Variants in ATAD3A observed in about 807,000 individuals in gnomAD.
ATAD3A encodes the protein ATPase family AAA domain containing 3A, also known as ATPase family AAA domain-containing protein 3A.
Under a neutral mutation model 73.8 loss-of-function variants are expected in ATAD3A, and 46 were observed. The ratio of observed to expected loss-of-function variants is 0.62; its 90% CI spans 0.49 to 0.80. ATAD3A has a LOEUF of 0.80. Among genes scored for constraint, ATAD3A ranks in the 30% least tolerant of loss-of-function variants. The probability of loss-of-function intolerance (pLI) is 0.00; values close to 1 mark genes in which losing one functional copy is unlikely to be tolerated. For synonymous variants in ATAD3A, 319 were observed against 350.0 expected (o/e 0.91, Z 0.99); for missense variants, 705 against 838.0 (o/e 0.84, Z 1.96).
intron 1 of ATAD3A, among the ~76,000 whole-genome samples, chr1:1,514,087 G>A (rs1313931303): frequency 1.3e-5 from 2 of 152,146 alleles, no homozygotes; most frequent in East Asian, 1.9e-4. Flanking sequence ...GCGCTGGGAC[G>A]CACGTCCCTG....
chr1:1,529,134 G>A, intron 14 of ATAD3A, 89 bp from the exon 15 acceptor site: 2 of 1,552,218 alleles, frequency 1.3e-6, no homozygotes, highest in Admixed American at 1.9e-5. Context: ...TTTGGCGTGG[G>A]TGTCGGCCTC....
In ATAD3A at chr1:1,529,362, C is replaced by T. The variant is rs192261454; in HGVS notation, c.1614+31C>T. ...TCAGGCTCCGGCACGTCCACCCAGA[C>T]GGGACCCCAGCTGCTGTGGAGATGC... On this transcript the variant is annotated intron_variant, in intron 15 of 15. Transcript: ENST00000378756. 395 of 1,532,350 alleles carry T rather than the reference C, an allele frequency of 2.6e-4. 3 individuals are homozygous for T. In the East Asian group the frequency reaches 6.9e-3, roughly 27 times the overall value. 94.9% of individuals were successfully genotyped at this position (1,532,350 alleles called of 1,614,324 possible).
chr1:1,514,865 C>T (rs545547512), intron 1 of ATAD3A, among the ~76,000 whole-genome samples: 4 of 152,230 alleles, frequency 2.6e-5, no homozygotes, highest in African/African-American at 9.6e-5. Flanking sequence ...TCTGTGTTAG[C>T]AGATTTATAT....
At chr1:1,518,612 G>T (rs1641464060) in intron 4 of ATAD3A, among the ~76,000 whole-genome samples, 2 of 94,454 alleles carry the variant, frequency 2.1e-5, no homozygotes, top group Non-Finnish European at 3.7e-5. Context: ...CCCACACACG[G>T]GCGTACACAC....
chr1:1,518,016 G>GCA (rs925130177), intron 4 of ATAD3A, among the ~76,000 whole-genome samples: 4 of 151,634 alleles, frequency 2.6e-5, no homozygotes, highest in African/African-American at 9.7e-5. Flanking sequence ...CACACTCCTC[G>GCA]CACACACACT....
intron 12 of ATAD3A, among the ~76,000 whole-genome samples, chr1:1,525,813 C>T (rs984230305): frequency 3.9e-5 from 6 of 152,156 alleles, no homozygotes; most frequent in African/African-American, 1.4e-4. Context: ...TCAAGCAATC[C>T]TCCTGCCTCA....
chr1:1,520,723 C>A lies in ATAD3A; in HGVS notation c.750+106C>A. 6.4e-7 allele frequency: 1 copy of A among 1,551,772 alleles called. No homozygotes were observed. Among genetic ancestry groups the A allele is most frequent in the Non-Finnish European group, 8.8e-7 (1 of 1,134,718 alleles). ...CTGCCGGCTCTGCACAGCCCTGTAGCTCTCCCAGCAGGGAGGAAGCCCACG... is the reference window on the plus strand; with the variant it reads ...CTGCCGGCTCTGCACAGCCCTGTAGATCTCCCAGCAGGGAGGAAGCCCACG... On this transcript the variant is annotated intron_variant, in intron 7 of 15. Transcript: ENST00000378756. The surrounding 1 kb of genome is among the most constrained non-coding windows in gnomAD (Gnocchi z 4.0).
chr1:1,522,790 A>G lies in ATAD3A; in HGVS notation c.797A>G (p.Asn266Ser), dbSNP rs371398161. The change falls in exon 8 of 16, where the codon AAT (asparagine) becomes AGT (serine). Residue 266 changes from asparagine (N) to serine (S), a missense_variant. By Grantham distance (46) the Asn-to-Ser change is conservative. This residue lies in a region of ATAD3A where 315 missense variants were observed against 334.1 expected (regional missense o/e 0.94). Transcript: ENST00000378756. ...GCTGTTGGGGTCTACTCAGCCAAGAATGCCACGCTTGTCGCCGGCCGCTTC... is the reference window on the plus strand; with the variant it reads ...GCTGTTGGGGTCTACTCAGCCAAGAGTGCCACGCTTGTCGCCGGCCGCTTC... ...LLAVGVYSAK[N>S]ATLVAGRFIE... 1.0e-4 allele frequency: 165 copies of G among 1,611,408 alleles called. No homozygotes were observed. Among genetic ancestry groups the G allele is most frequent in the Non-Finnish European group, 1.3e-4 (154 of 1,179,784 alleles).
chr1:1,515,544 G>T (rs1196133429), intron 1 of ATAD3A, among the ~76,000 whole-genome samples: 1 of 152,166 alleles, frequency 6.6e-6, no homozygotes, highest in Non-Finnish European at 1.5e-5. Flanking sequence ...AACTGAGGAC[G>T]TTGTCAGATG....
At position 1,534,214 on chromosome 1, in the gene ATAD3A, G is replaced by C. The variant is rs1642144883; in HGVS notation, c.*142G>C. ...GCCTCTGTCCCCCAGGATGTCTTGT[G>C]GTGCGGGTCGGCCGTTCTGCCCCCC... On this transcript the variant is annotated 3_prime_UTR_variant, in exon 16 of 16. Transcript: ENST00000378756. 1 of 1,514,266 alleles carries C rather than the reference G, an allele frequency of 6.6e-7. No homozygotes were observed. The highest frequency in any genetic ancestry group is 1.4e-5 in the African/African-American group (1 of 70,538). The allele number at this position is 1,514,266 out of a possible 1,614,324, so 93.8% of individuals were successfully genotyped here. A position where few individuals can be genotyped will look rare whatever the true frequency, so the allele number is the denominator to read the frequency against.
Position 1,516,039 on chromosome 1 carries a change from C to G in ATAD3A, c.233C>G (p.Ala78Gly). The G allele has an allele frequency of 6.2e-7, 1 of 1,614,052 alleles. No individual in the cohort carries two copies. Among genetic ancestry groups the G allele is most frequent in the Non-Finnish European group, 8.5e-7 (1 of 1,179,948 alleles). ...SRYAKDALNL[A>G]QMQEQTLQLE... ...TATGCCAAGGACGCCCTGAATCTGG[C>G]ACAGATGCAGGAGCAGACGCTGCAG... Residue 78 changes from alanine (A) to glycine (G), a missense_variant, in exon 2 of 16, where the codon GCA becomes GGA. Physicochemically the swap from Ala to Gly is moderately conservative, Grantham distance 60. Around this residue, in one of 5 missense-constraint regions of ATAD3A, gnomAD observed 125 missense variants for 170.6 expected, o/e 0.73. Transcript: ENST00000378756.
Position 1,534,534 on chromosome 1 carries a change from C to T in ATAD3A, c.*462C>T, listed in dbSNP as rs972889631. On this transcript the variant is annotated 3_prime_UTR_variant, in exon 16 of 16. Transcript: ENST00000378756. Reference sequence around the variant, plus strand: ...GAACCCTGCTTCCCCCTGTGGCCGGCATGCCCCGATCTTTCACACACTGGT... The same window carrying T: ...GAACCCTGCTTCCCCCTGTGGCCGGTATGCCCCGATCTTTCACACACTGGT... 4.3e-5 allele frequency: 21 copies of T among 484,780 alleles called. No individual in the cohort carries two copies. The East Asian group carries it at 4.7e-4, about 11-fold the overall frequency. The allele number at this position is 484,780 out of a possible 1,614,324, so 30.0% of individuals were successfully genotyped here.
chr1:1,534,010 CAGA>C lies in ATAD3A; in HGVS notation c.1703_1705del (p.Lys568del), dbSNP rs745393319. 9.9e-6 allele frequency: 16 copies of C among 1,613,568 alleles called. No homozygotes were observed. Among genetic ancestry groups the C allele is most frequent in the African/African-American group, 4.0e-5 (3 of 74,922 alleles). Reference sequence around the variant, plus strand: ...GCAAGATGCTGTCCAGCAGCACCAGCAGAAGATGTGCTGGCTGAAGGCGGAAGG... The same window carrying C: ...GCAAGATGCTGTCCAGCAGCACCAGCAGATGTGCTGGCTGAAGGCGGAAGG... On this transcript the variant is annotated inframe_deletion, in exon 16 of 16. Coordinates refer to ENST00000378756, the MANE Select transcript of ATAD3A (RefSeq NM_001170535.3).
At position 1,527,033 on chromosome 1, in the gene ATAD3A, G is replaced by A. The variant is rs1412804230; in HGVS notation, c.1337+502G>A. 19 of 523,058 alleles carry A rather than the reference G, an allele frequency of 3.6e-5. 1 individual carries two copies. The East Asian group carries it at 4.9e-4, about 13-fold the overall frequency. 32.4% of individuals were successfully genotyped at this position (523,058 alleles called of 1,614,324 possible). ...CACCCTCCAGGCTTGGGGCCCACCC[G>A]ACTTTGTGTGGCCTCTGTGGGCTGC... is the stretch of plus-strand genomic sequence containing the variant. On this transcript the variant is annotated intron_variant, in intron 13 of 15. Transcript: ENST00000378756.
At chr1:1,526,356 G>T (rs900016381) in intron 12 of ATAD3A, 105 bp from the exon 13 acceptor site, 1 of 1,564,454 alleles carries the variant, frequency 6.4e-7, no homozygotes, top group South Asian at 1.2e-5. Context: ...TGAAAGTGTC[G>T]CCATGTCCCT....
At position 1,523,379 on chromosome 1, in the gene ATAD3A, CT is replaced by C; in HGVS notation, c.907-131del. The C allele has an allele frequency of 1.4e-6, 2 of 1,441,448 alleles. No individual in the cohort carries two copies. The allele number at this position is 1,441,448 out of a possible 1,614,324, so 89.3% of individuals were successfully genotyped here. A position where few individuals can be genotyped will look rare whatever the true frequency, so the allele number is the denominator to read the frequency against. ...GTCTCCGGGCGGGGCAGGGTTCCAG[CT>C]CCGGGCCGGTCCTGGCTGTGCTTTG... On this transcript the variant is annotated intron_variant, in intron 8 of 15. Transcript: ENST00000378756. This position sits in a 1 kb window ranked among gnomAD's most constrained non-coding sequence, Gnocchi z 5.1.
chr1:1,514,679 T>G (rs1180502050), intron 1 of ATAD3A, among the ~76,000 whole-genome samples: 1 of 152,158 alleles, frequency 6.6e-6, no homozygotes, highest in East Asian at 1.9e-4. Context: ...CCTGCGTCAG[T>G]CACCTCCAAA....
At position 1,534,318 on chromosome 1, in the gene ATAD3A, A is replaced by G. The variant is rs1484746304; in HGVS notation, c.*246A>G. On this transcript the variant is annotated 3_prime_UTR_variant, in exon 16 of 16. Coordinates refer to ENST00000378756, the MANE Select transcript of ATAD3A (RefSeq NM_001170535.3). ...CCCTCGAGACACTCTTGGGAGATGC[A>G]TTTTCCGTCTGGCTCACAGGGGGAG... is the stretch of plus-strand genomic sequence containing the variant. The G allele has an allele frequency of 9.2e-6, 13 of 1,414,622 alleles. No homozygotes were observed. The highest frequency in any genetic ancestry group is 1.2e-5 in the Non-Finnish European group (13 of 1,088,644). The allele number at this position is 1,414,622 out of a possible 1,614,324, so 87.6% of individuals were successfully genotyped here. A position where few individuals can be genotyped will look rare whatever the true frequency, so the allele number is the denominator to read the frequency against.
intron 1 of ATAD3A, among the ~76,000 whole-genome samples, chr1:1,513,589 T>G (rs1641266468): frequency 6.6e-6 from 1 of 152,172 alleles, no homozygotes; most frequent in South Asian, 2.1e-4. Context: ...ATCAGGCTTT[T>G]GTTTCCTGTG....
Sources: gnomAD v4.1 joint callset for allele counts (sites outside exome capture counted in the v4.1 genomes callset) on GRCh38, gnomAD v4.1.1 for gene constraint, gnomAD v4.1.1 regional missense constraint, Gnocchi (gnomAD v3.1) non-coding constraint, MANE v1.5 for transcripts, NCBI Gene and HGNC (gene_info 2026-07-23, HGNC 2026-07-21) for gene names.